SOBP: variants seen among roughly 807,000 people sequenced by gnomAD.
The protein encoded by SOBP is sine oculis binding protein homolog, also known as sine oculis-binding protein homolog.
Under a neutral mutation model 53.6 loss-of-function variants are expected in SOBP, and 4 were observed. That is an observed-to-expected ratio of 0.07 (90% CI 0.04 to 0.17). The LOEUF (loss-of-function observed/expected upper bound fraction) is 0.17, where lower values mean the gene tolerates loss of function less well. Ranked by LOEUF, SOBP falls within the 10% of genes least tolerant of loss-of-function variation. The pLI is 1.00. For missense variants in SOBP, 1,088 were observed against 1,204.7 expected (o/e 0.90, Z 1.43); for synonymous variants, 584 against 522.6 (o/e 1.12, Z -1.60).
intron 1 of SOBP, among the ~76,000 whole-genome samples, chr6:107,500,581 G>A (rs1415782393): frequency 6.6e-6 from 1 of 151,688 alleles, no homozygotes; most frequent in African/African-American, 2.4e-5. Flanking sequence ...GAGTGCAGTG[G>A]CGCGATCTCG....
chr6:107,610,123 C>T (rs750359997), intron 5 of SOBP, among the ~76,000 whole-genome samples: 15 of 152,200 alleles, frequency 9.9e-5, no homozygotes, highest in Non-Finnish European at 2.2e-4. Context: ...ACACTTGACA[C>T]TTCCACAAAC....
intron 5 of SOBP, among the ~76,000 whole-genome samples, chr6:107,610,765 C>T (rs77995778): frequency 0.02 from 3,016 of 151,342 alleles, 38 homozygotes; most frequent in Non-Finnish European, 0.033. Flanking sequence ...TCTTTCTTTG[C>T]GCATGTGTGT....
chr6:107,503,538 A>G, intron 1 of SOBP, 119 bp from the exon 2 acceptor site: 2 of 1,060,052 alleles, frequency 1.9e-6, no homozygotes, highest in South Asian at 1.3e-5. Context: ...ACACCACACT[A>G]GGGGAAGTGA....
chr6:107,524,889 AAAGACATG>A (rs1783617344), intron 3 of SOBP, among the ~76,000 whole-genome samples: 1 of 152,212 alleles, frequency 6.6e-6, no homozygotes, highest in Non-Finnish European at 1.5e-5. Flanking sequence ...TTCTCTGTGA[AAAGACATG>A]TCCGCTGTTA....
In SOBP at chr6:107,599,101, C is replaced by T. The variant is rs1786055961; in HGVS notation, c.669+11926C>T. On this transcript the variant is annotated intron_variant, in intron 5 of 6. Transcript: ENST00000317357. ...AACAACCCCTTCCCCCTGAAAATAGCATAGAGACCATCTAGTGTGTATACC... is the reference window on the plus strand; with the variant it reads ...AACAACCCCTTCCCCCTGAAAATAGTATAGAGACCATCTAGTGTGTATACC... 1.3e-5 allele frequency among the ~76,000 whole-genome samples: 2 copies of T among 152,092 alleles called. 1 individual carries two copies. The highest frequency in any genetic ancestry group is 1.3e-4 in the Admixed American group (2 of 15,266).
intron 1 of SOBP, among the ~76,000 whole-genome samples, chr6:107,491,762 TA>T (rs1782587075): frequency 6.6e-6 from 1 of 152,230 alleles, no homozygotes; most frequent in African/African-American, 2.4e-5. Context: ...ATGAAATCCT[TA>T]ATACTACCAG....
intron 5 of SOBP, among the ~76,000 whole-genome samples, chr6:107,595,334 G>C (rs1305915114): frequency 2.9e-5 from 4 of 137,312 alleles, no homozygotes; most frequent in Non-Finnish European, 6.1e-5. Flanking sequence ...AAGTCTGACT[G>C]CTATAGATTT....
chr6:107,631,652 G>A (rs576260707), intron 5 of SOBP, among the ~76,000 whole-genome samples: 6 of 152,194 alleles, frequency 3.9e-5, no homozygotes, highest in South Asian at 2.1e-4. Context: ...ACACTATAGC[G>A]AAACACAGGA....
Position 107,503,804 on chromosome 6 carries a change from A to G in SOBP, c.235+9A>G, listed in dbSNP as rs201598142. ...CATTTCTGTTCTCAAAGGTAATGACATTTAATGTCCTTTTGTTCATGCAAA... is the reference window on the plus strand; with the variant it reads ...CATTTCTGTTCTCAAAGGTAATGACGTTTAATGTCCTTTTGTTCATGCAAA... On this transcript the variant is annotated intron_variant, in intron 2 of 6. Transcript: ENST00000317357. The G allele has an allele frequency of 9.9e-6, 16 of 1,613,818 alleles. No individual in the cohort carries two copies. The Middle Eastern group carries it at 4.9e-4, about 50-fold the overall frequency.
intron 3 of SOBP, chr6:107,511,805 T>A (rs777655479): frequency 6.6e-6 from 1 of 152,214 alleles, no homozygotes; most frequent in Non-Finnish European, 1.5e-5. Context: ...GCCACACATG[T>A]GTGCATTCAT....
intron 6 of SOBP, among the ~76,000 whole-genome samples, chr6:107,637,430 A>G (rs1771095975): frequency 6.6e-6 from 1 of 152,248 alleles, no homozygotes; most frequent in Non-Finnish European, 1.5e-5. Context: ...ACTAAAAATG[A>G]GTTCACCATT....
intron 1 of SOBP, among the ~76,000 whole-genome samples, chr6:107,497,935 T>C (rs1189970012): frequency 6.6e-6 from 1 of 152,240 alleles, no homozygotes; most frequent in Non-Finnish European, 1.5e-5. Flanking sequence ...AATTACTTTT[T>C]CTAACAGTTG....
chr6:107,583,850 A>G (rs1209769209), intron 4 of SOBP, among the ~76,000 whole-genome samples: 2 of 152,170 alleles, frequency 1.3e-5, no homozygotes, highest in East Asian at 1.9e-4. Context: ...ATTTTGGAAT[A>G]TTTGCGTTGT....
chr6:107,605,202 A>G (rs9400126), intron 5 of SOBP, among the ~76,000 whole-genome samples: 24,343 of 152,214 alleles, frequency 0.16, 2,207 homozygotes, highest in South Asian at 0.3. Context: ...TATACATACT[A>G]CAATATCTGT....
At chr6:107,576,981 T>G (rs2115045706) in intron 4 of SOBP, among the ~76,000 whole-genome samples, 1 of 152,338 alleles carries the variant, frequency 6.6e-6, no homozygotes. Flanking sequence ...GATTAGTAAC[T>G]AATTCACGGA....
intron 5 of SOBP, among the ~76,000 whole-genome samples, chr6:107,618,783 C>T (rs969628081): frequency 3.3e-5 from 5 of 152,186 alleles, no homozygotes; most frequent in African/African-American, 9.7e-5. Flanking sequence ...CTAAAATGCT[C>T]TTGGGTGAAG....
At chr6:107,549,293 C>CA (rs1220673040) in intron 4 of SOBP, among the ~76,000 whole-genome samples, 243 of 149,572 alleles carry the variant, frequency 1.6e-3, no homozygotes, top group Non-Finnish European at 2.3e-3. Context: ...ACAACAACAA[C>CA]AAAAAAAAAC....
intron 4 of SOBP, among the ~76,000 whole-genome samples, chr6:107,573,355 GT>G (rs34249014): frequency 0.023 from 3,378 of 147,156 alleles, 109 homozygotes; most frequent in African/African-American, 0.072. Flanking sequence ...GCCAGCTGAG[GT>G]TTTTTTTTTT....
intron 5 of SOBP, among the ~76,000 whole-genome samples, chr6:107,593,803 T>C (rs1369732932): frequency 6.6e-6 from 1 of 152,128 alleles, no homozygotes; most frequent in Admixed American, 6.5e-5. Context: ...ATACTGGGAG[T>C]ACCTGTCTTT....
Sources: allele counts gnomAD v4.1 joint callset (sites outside exome capture counted in the v4.1 genomes callset), GRCh38; gene constraint gnomAD v4.1.1; transcripts MANE v1.5; gene names NCBI Gene and HGNC (gene_info 2026-07-23, HGNC 2026-07-21).